CCDC7: variants seen among roughly 807,000 people sequenced by gnomAD.
CCDC7 encodes coiled-coil domain containing 7.
In CCDC7, 183 loss-of-function variants were observed where a neutral mutation model predicts 196.9. That is an observed-to-expected ratio of 0.93 (90% confidence interval 0.82 to 1.05). The LOEUF is 1.05. Ranked by LOEUF, CCDC7 falls within the 50% of genes least tolerant of loss-of-function variation. The pLI, the probability that CCDC7 is intolerant of heterozygous loss-of-function variation, is 0.00. For synonymous variants in CCDC7, 525 were observed against 484.6 expected (o/e 1.08, Z -1.10); for missense variants, 1,540 against 1,482.2 (o/e 1.04, Z -0.64).
intron 5 of CCDC7, among the ~76,000 whole-genome samples, chr10:32,463,278 C>T (rs1211323846): frequency 2.6e-5 from 4 of 152,052 alleles, no homozygotes; most frequent in African/African-American, 9.7e-5. Context: ...GTTTGACTGA[C>T]ACATTTTTTT....
At chr10:32,754,588 G>A (rs1342632946) in intron 28 of CCDC7, among the ~76,000 whole-genome samples, 1 of 152,168 alleles carries the variant, frequency 6.6e-6, no homozygotes, top group East Asian at 1.9e-4. Flanking sequence ...AAGAGGATAA[G>A]GCAGTGGCAC....
At chr10:32,807,697 A>G (rs951466221) in intron 30 of CCDC7, among the ~76,000 whole-genome samples, 1 of 151,876 alleles carries the variant, frequency 6.6e-6, no homozygotes, top group African/African-American at 2.4e-5. Context: ...AATCCTAGCC[A>G]TGGGAGAGCC....
intron 24 of CCDC7, among the ~76,000 whole-genome samples, chr10:32,711,149 T>C (rs1479216065): frequency 7.0e-6 from 1 of 143,548 alleles, no homozygotes; most frequent in East Asian, 2.0e-4. Flanking sequence ...AATATATATA[T>C]ACATACACAC....
chr10:32,627,227 G>A (rs1005083462), intron 18 of CCDC7, among the ~76,000 whole-genome samples: 2 of 151,686 alleles, frequency 1.3e-5, no homozygotes, highest in African/African-American at 2.4e-5. Context: ...ATCATTTTTA[G>A]TGTACAGGTC....
At chr10:32,473,735 A>G (rs2038415826) in intron 7 of CCDC7, among the ~76,000 whole-genome samples, 1 of 152,182 alleles carries the variant, frequency 6.6e-6, no homozygotes, top group South Asian at 2.1e-4. Context: ...TACAAGAGCA[A>G]AAACAAGTTT....
intron 3 of CCDC7, among the ~76,000 whole-genome samples, chr10:32,457,098 A>G: frequency 6.6e-6 from 1 of 151,666 alleles, no homozygotes. Context: ...TATTTCTCCT[A>G]TCTAGCTGTA....
Position 32,485,035 on chromosome 10 carries a change from G to C in CCDC7, c.797-6887G>C, listed in dbSNP as rs186907334. Among the ~76,000 whole-genome samples the C allele has an allele frequency of 3.3e-5, 5 of 152,216 alleles. No homozygotes were observed. The South Asian group carries it at 6.2e-4, about 19-fold the overall frequency. On this transcript the variant is annotated intron_variant, in intron 8 of 41. Transcript: ENST00000639629. ...CATAAAATGAGTTAGGGAGCATTCC[G>C]TCTTTTTCTATTGATTGGAATAGTT...
chr10:32,676,880 A>G (rs2075073135), intron 21 of CCDC7, among the ~76,000 whole-genome samples: 1 of 152,230 alleles, frequency 6.6e-6, no homozygotes, highest in African/African-American at 2.4e-5. Flanking sequence ...GTATATACCC[A>G]AAGGTCTGTA....
chr10:32,746,711 C>A (rs558282391), intron 28 of CCDC7, among the ~76,000 whole-genome samples: 3 of 152,188 alleles, frequency 2.0e-5, no homozygotes, highest in Non-Finnish European at 4.4e-5. Context: ...TGCCAGCAGA[C>A]CTCGGCTAAC....
chr10:32,654,979 T>C (rs2069511333), intron 20 of CCDC7, among the ~76,000 whole-genome samples: 1 of 152,186 alleles, frequency 6.6e-6, no homozygotes. Flanking sequence ...CCACTGATCA[T>C]TTTTTGACAA....
intron 18 of CCDC7, among the ~76,000 whole-genome samples, chr10:32,613,771 A>T (rs2062452128): frequency 6.6e-6 from 1 of 150,656 alleles, no homozygotes; most frequent in Non-Finnish European, 1.5e-5. Context: ...CATTGTGGTG[A>T]TTTCTGTTCT....
chr10:32,708,399 T>C (rs1378155075), intron 24 of CCDC7, among the ~76,000 whole-genome samples: 1 of 152,042 alleles, frequency 6.6e-6, no homozygotes, highest in East Asian at 1.9e-4. Flanking sequence ...ACCTTTCAGA[T>C]CATAGGCATG....
intron 13 of CCDC7, among the ~76,000 whole-genome samples, chr10:32,565,051 G>A (rs139346834): frequency 1.1e-4 from 16 of 152,294 alleles, no homozygotes; most frequent in Middle Eastern, 6.8e-3. Flanking sequence ...CTTGTATTTA[G>A]TCCAGAGTTT....
chr10:32,613,513 G>T (rs1484721052), intron 18 of CCDC7, among the ~76,000 whole-genome samples: 1 of 151,952 alleles, frequency 6.6e-6, no homozygotes, highest in African/African-American at 2.4e-5. Flanking sequence ...TTAGGGTGTT[G>T]ATTTTAGATC....
chr10:32,780,161 G>A (rs959933144), intron 29 of CCDC7, among the ~76,000 whole-genome samples: 4 of 152,044 alleles, frequency 2.6e-5, no homozygotes, highest in Non-Finnish European at 2.9e-5. Context: ...CACTGAAACC[G>A]AAGATGAGGA....
chr10:32,601,575 G>A (rs1347959172), intron 18 of CCDC7, among the ~76,000 whole-genome samples: 4 of 152,132 alleles, frequency 2.6e-5, no homozygotes, highest in African/African-American at 9.7e-5. Context: ...GTCGAGTGGG[G>A]ACTTGGAGAA....
intron 20 of CCDC7, among the ~76,000 whole-genome samples, chr10:32,646,929 G>T (rs1180454754): frequency 3.3e-5 from 5 of 152,072 alleles, no homozygotes. Context: ...TTTCTAATGG[G>T]TACATAGTAT....
rs376971167 is a variant in CCDC7 at position 32,571,006 on chromosome 10, C to CTTTTTTTTT, written c.1420-844_1420-836dup. Among the ~76,000 whole-genome samples the CTTTTTTTTT allele has an allele frequency of 1.5e-5, 2 of 131,408 alleles. 1 individual carries two copies. Among genetic ancestry groups the CTTTTTTTTT allele is most frequent in the Non-Finnish European group, 3.1e-5 (2 of 63,742 alleles). 86.2% of individuals were successfully genotyped at this position (131,408 alleles called of 152,430 possible). A position where few individuals can be genotyped will look rare whatever the true frequency, so the allele number is the denominator to read the frequency against. On this transcript the variant is annotated intron_variant, in intron 15 of 41. Coordinates refer to ENST00000639629, the Ensembl canonical transcript of CCDC7. ...AAATCACACTTTTAAGGTCACTGGC[C>CTTTTTTTTT]TTTTTTTTTTTTTTTTTGAGAGAGA...
At chr10:32,834,266 G>A (rs2092433005) in intron 32 of CCDC7, among the ~76,000 whole-genome samples, 2 of 151,950 alleles carry the variant, frequency 1.3e-5, no homozygotes, top group Admixed American at 6.6e-5. Flanking sequence ...ATAAAAAGGG[G>A]CTAAAATATT....
Sources: allele counts gnomAD v4.1 joint callset (sites outside exome capture counted in the v4.1 genomes callset), GRCh38; gene constraint gnomAD v4.1.1; transcripts MANE v1.5; gene names NCBI Gene and HGNC (gene_info 2026-07-23, HGNC 2026-07-21).